The following OLA1 variants were observed in gnomAD, a reference collection of about 807,000 sequenced individuals.
The protein encoded by OLA1 is Obg like ATPase 1.
OLA1 carries 14 observed loss-of-function variants against 48.4 expected under a neutral mutation model. The ratio of observed to expected loss-of-function variants is 0.29; its 90% CI spans 0.19 to 0.45. The LOEUF (loss-of-function observed/expected upper bound fraction) is 0.45. Ranked by LOEUF, OLA1 falls within the 20% of genes least tolerant of loss-of-function variation. The probability of loss-of-function intolerance (pLI) is 1.00; values close to 1 mark genes in which losing one functional copy is unlikely to be tolerated. For missense variants in OLA1, 325 were observed against 467.1 expected (o/e 0.70, Z 2.80); for synonymous variants, 127 against 150.4 (o/e 0.84, Z 1.14).
chr2:174,212,155 C>G (rs1273492833), intron 4 of OLA1, among the ~76,000 whole-genome samples: 1 of 152,128 alleles, frequency 6.6e-6, no homozygotes, highest in Non-Finnish European at 1.5e-5. Context: ...TTACACAAAC[C>G]TAGATGGTAT....
At chr2:174,209,268 AT>A (rs1688186966) in intron 4 of OLA1, among the ~76,000 whole-genome samples, 1 of 152,206 alleles carries the variant, frequency 6.6e-6, no homozygotes, top group African/African-American at 2.4e-5. Flanking sequence ...TCTACTACTC[AT>A]AAAAATAATT....
chr2:174,102,945 G>A (rs2105353762), intron 7 of OLA1, among the ~76,000 whole-genome samples: 1 of 152,258 alleles, frequency 6.6e-6, no homozygotes, highest in East Asian at 1.9e-4. Flanking sequence ...AGACTGCTGA[G>A]CTTTTTATGG....
chr2:174,094,535 A>G (rs978413751), intron 7 of OLA1, among the ~76,000 whole-genome samples: 2 of 152,224 alleles, frequency 1.3e-5, no homozygotes, highest in African/African-American at 4.8e-5. Context: ...AACTGACTAT[A>G]TAACTACAGT....
rs72625252 is a variant in OLA1, at chr2:174,227,041, C to T, written c.245+2267G>A. On this transcript the variant is annotated intron_variant, in intron 3 of 10. Coordinates refer to ENST00000284719, the MANE Select transcript of OLA1 (RefSeq NM_013341.5). ...CCCAGGAGTTTGAGGCTACAGTGAGCTGTGATCACACCACTGCACTCCAGC... is the reference window on the plus strand; with the variant it reads ...CCCAGGAGTTTGAGGCTACAGTGAGTTGTGATCACACCACTGCACTCCAGC... Among the ~76,000 whole-genome samples the T allele has an allele frequency of 0.065, 9,826 of 151,924 alleles. 1,416 individuals are homozygous for T. In the East Asian group the frequency reaches 0.65, roughly 10 times the overall value.
chr2:174,113,239 CCAGT>C (rs1198007540), intron 7 of OLA1, among the ~76,000 whole-genome samples: 8 of 152,130 alleles, frequency 5.3e-5, no homozygotes, highest in African/African-American at 1.2e-4. Flanking sequence ...GCCACTGTGC[CCAGT>C]CAAATAATTA....
chr2:174,145,303 G>A (rs191728175), intron 4 of OLA1, among the ~76,000 whole-genome samples: 2 of 151,962 alleles, frequency 1.3e-5, no homozygotes, highest in African/African-American at 4.8e-5. Context: ...ATTCACCTTG[G>A]AAAGAATTAA....
At chr2:174,207,904 T>C (rs1015890920) in intron 4 of OLA1, among the ~76,000 whole-genome samples, 2 of 152,176 alleles carry the variant, frequency 1.3e-5, no homozygotes, top group African/African-American at 4.8e-5. Flanking sequence ...CACAGACCTT[T>C]TCAACCAAAT....
intron 1 of OLA1, chr2:174,248,248 G>C (rs1303027850): frequency 6.4e-6 from 1 of 156,246 alleles, no homozygotes; most frequent in Non-Finnish European, 1.4e-5. Context: ...TTTCCCCAGG[G>C]CTTTCCCGCG....
At chr2:174,238,059 C>T (rs1268418237) in intron 2 of OLA1, among the ~76,000 whole-genome samples, 1 of 152,060 alleles carries the variant, frequency 6.6e-6, no homozygotes, top group Non-Finnish European at 1.5e-5. Flanking sequence ...TAATAGGCAT[C>T]CCAGAAAGGG....
At chr2:174,235,202 G>A (rs1431895569) in intron 2 of OLA1, among the ~76,000 whole-genome samples, 1 of 152,078 alleles carries the variant, frequency 6.6e-6, no homozygotes, top group African/African-American at 2.4e-5. Context: ...ATTAATCTAT[G>A]AAGTACCTCT....
chr2:174,103,549 A>C (rs751881278), intron 7 of OLA1, among the ~76,000 whole-genome samples: 6 of 152,172 alleles, frequency 3.9e-5, no homozygotes, highest in African/African-American at 7.2e-5. Flanking sequence ...TAAACTGTAG[A>C]TGTATCTAAC....
At chr2:174,085,137 G>A (rs1273898979) in intron 7 of OLA1, among the ~76,000 whole-genome samples, 1 of 152,126 alleles carries the variant, frequency 6.6e-6, no homozygotes, top group Non-Finnish European at 1.5e-5. Context: ...TTTTCTTCCC[G>A]GTAGTGATTC....
chr2:174,072,890 A>G lies in OLA1; in HGVS notation c.*2536T>C, dbSNP rs1684634546. ...GGGAGATCCGGCTCTGCTCTGAGCC[A>G]TATGCAAAATGCATGTTATGAAGAT... On this transcript the variant is annotated 3_prime_UTR_variant, in exon 11 of 11. Coordinates refer to ENST00000284719, the MANE Select transcript of OLA1 (RefSeq NM_013341.5). 6.6e-6 allele frequency: 1 copy of G among 152,068 alleles called. No individual in the cohort carries two copies. Among genetic ancestry groups the G allele is most frequent in the Non-Finnish European group, 1.5e-5 (1 of 68,034 alleles). The allele number at this position is 152,068 out of a possible 1,614,324, so 9.4% of individuals were successfully genotyped here. A position where few individuals can be genotyped will look rare whatever the true frequency, so the allele number is the denominator to read the frequency against.
intron 2 of OLA1, among the ~76,000 whole-genome samples, chr2:174,244,987 C>A (rs919636335): frequency 6.6e-6 from 1 of 152,084 alleles, no homozygotes; most frequent in Non-Finnish European, 1.5e-5. Flanking sequence ...GGATGTGAAA[C>A]CACAGATACA....
intron 5 of OLA1, among the ~76,000 whole-genome samples, chr2:174,136,817 A>G (rs868580990): frequency 6.6e-6 from 1 of 151,602 alleles, no homozygotes; most frequent in Non-Finnish European, 1.5e-5. Context: ...GATTACAGGC[A>G]CATGCTGCCA....
At chr2:174,129,399 A>C (rs1304104870) in intron 5 of OLA1, among the ~76,000 whole-genome samples, 1 of 151,940 alleles carries the variant, frequency 6.6e-6, no homozygotes, top group African/African-American at 2.4e-5. Context: ...CGGAGCTTGC[A>C]GTGAGCCAAG....
chr2:174,216,730 G>A (rs1367305163), intron 4 of OLA1, among the ~76,000 whole-genome samples: 2 of 151,704 alleles, frequency 1.3e-5, no homozygotes, highest in Non-Finnish European at 2.9e-5. Context: ...GTTATCTTTT[G>A]TAGATGTGGA....
intron 4 of OLA1, among the ~76,000 whole-genome samples, chr2:174,163,442 C>T (rs1281523348): frequency 1.3e-5 from 2 of 151,706 alleles, no homozygotes; most frequent in East Asian, 3.9e-4. Context: ...AATCCCAGAA[C>T]TTTGGGAGGC....
intron 10 of OLA1, among the ~76,000 whole-genome samples, chr2:174,077,563 A>T (rs1402031300): frequency 6.6e-6 from 1 of 152,078 alleles, no homozygotes; most frequent in Non-Finnish European, 1.5e-5. Flanking sequence ...GTCAGAGTCA[A>T]CCTTTTCTAA....
Sources: allele counts gnomAD v4.1 joint callset (sites outside exome capture counted in the v4.1 genomes callset), GRCh38; gene constraint gnomAD v4.1.1; transcripts MANE v1.5; gene names NCBI Gene and HGNC (gene_info 2026-07-23, HGNC 2026-07-21).